NUP160: variants seen among roughly 807,000 people sequenced by gnomAD.
NUP160 encodes nuclear pore complex protein Nup160.
Under a neutral mutation model 196.9 loss-of-function variants are expected in NUP160, and 94 were observed. The observed-to-expected ratio is 0.48, with a 90% CI of 0.40 to 0.57. The LOEUF is 0.57. Among genes scored for constraint, NUP160 ranks in the 20% least tolerant of loss-of-function variants. The pLI is 0.00. For synonymous variants in NUP160, 605 were observed against 619.7 expected, an observed-to-expected ratio of 0.98 and a Z score of 0.35; for missense variants, 1,638 against 1,748.3, an observed-to-expected ratio of 0.94 and a Z score of 1.13.
At chr11:47,800,693 G>A (rs746368918) in intron 23 of NUP160, among the ~76,000 whole-genome samples, 1 of 151,956 alleles carries the variant, frequency 6.6e-6, no homozygotes, top group African/African-American at 2.4e-5. Flanking sequence ...TCCGGCCAAG[G>A]GTTATTAAGA....
chr11:47,804,262 C>T, intron 21 of NUP160: 3 of 287,090 alleles, frequency 1.0e-5, no homozygotes, highest in Non-Finnish European at 1.9e-5. Context: ...AAATCTCTCT[C>T]TTTAAAAATT....
At chr11:47,813,006 G>A in exon 15 of NUP160, 1 of 1,612,168 alleles carries the variant, frequency 6.2e-7, no homozygotes, top group Non-Finnish European at 8.5e-7. Context: ...ATCAGCCGGA[G>A]GCATTTTATA....
At chr11:47,793,722 GTTTTTT>G (rs750497969) in intron 27 of NUP160, among the ~76,000 whole-genome samples, 1,436 of 87,348 alleles carry the variant, frequency 0.016, 123 homozygotes, top group African/African-American at 0.062. Flanking sequence ...TAAGATATCT[GTTTTTT>G]TTTTTTTTTT....
intron 7 of NUP160, among the ~76,000 whole-genome samples, chr11:47,826,597 C>T (rs1249456103): frequency 6.9e-6 from 1 of 144,834 alleles, no homozygotes; most frequent in African/African-American, 2.5e-5. Flanking sequence ...GAGTCTCTCT[C>T]TGTCACTTAG....
chr11:47,812,390 C>G (rs2097681694), exon 16 of NUP160: 1 of 1,613,664 alleles, frequency 6.2e-7, no homozygotes, highest in African/African-American at 1.3e-5. Flanking sequence ...GGTTCCTAAT[C>G]TCTTGCAGTT....
At chr11:47,842,727 T>C (rs143151670) in intron 2 of NUP160, among the ~76,000 whole-genome samples, 244 of 152,280 alleles carry the variant, frequency 1.6e-3, no homozygotes, top group African/African-American at 5.4e-3. Flanking sequence ...CAATAGCTCA[T>C]GCCTATGATC....
intron 32 of NUP160, among the ~76,000 whole-genome samples, chr11:47,785,406 C>T (rs1414452140): frequency 1.3e-5 from 2 of 152,110 alleles, no homozygotes; most frequent in African/African-American, 2.4e-5. Flanking sequence ...GTTGGGATTA[C>T]AGGCAGGAGT....
chr11:47,784,381 AAAC>A (rs1307361182), intron 33 of NUP160, among the ~76,000 whole-genome samples: 1 of 152,228 alleles, frequency 6.6e-6, no homozygotes, highest in Non-Finnish European at 1.5e-5. Flanking sequence ...AATTAGTTGT[AAAC>A]AACACGGCAC....
chr11:47,848,397 C>T (rs1852449602), exon 1 of NUP160: 1 of 1,593,820 alleles, frequency 6.3e-7, no homozygotes, highest in Non-Finnish European at 8.5e-7. Flanking sequence ...GTGGGGCGGG[C>T]GGAGCTGCGG....
chr11:47,823,278 A>C (rs1851900256), intron 7 of NUP160, among the ~76,000 whole-genome samples: 3 of 152,176 alleles, frequency 2.0e-5, no homozygotes, highest in Admixed American at 2.0e-4. Context: ...ACACTGTTGT[A>C]CAACCAATCT....
chr11:47,847,584 C>G (rs917250764), intron 2 of NUP160, among the ~76,000 whole-genome samples: 1 of 127,052 alleles, frequency 7.9e-6, no homozygotes, highest in Non-Finnish European at 1.5e-5. Flanking sequence ...GTCTTATGGG[C>G]TTTATTCCCC....
At chr11:47,813,407 C>T (rs777517453) in exon 14 of NUP160, 2 of 1,605,762 alleles carry the variant, frequency 1.2e-6, no homozygotes, top group South Asian at 2.2e-5. Context: ...TAAGGAAAGA[C>T]AGGTACCCCT....
intron 6 of NUP160, among the ~76,000 whole-genome samples, chr11:47,836,025 T>C (rs1318055285): frequency 6.6e-6 from 1 of 152,198 alleles, no homozygotes; most frequent in Non-Finnish European, 1.5e-5. Flanking sequence ...GGTGGGTGGA[T>C]AACCTGAGGT....
rs1193523794 is a variant in NUP160 at position 47,807,318 on chromosome 11, T to C, written c.2376-178A>G. Reference sequence around the variant, plus strand: ...TATAGATTGTTGCCCATAATATCACTTCGTGACCCTTCAATGAGGAGCCAG... The same window carrying C: ...TATAGATTGTTGCCCATAATATCACCTCGTGACCCTTCAATGAGGAGCCAG... On this transcript the variant is annotated intron_variant, in intron 18 of 35. Transcript: ENST00000378460. Among the ~76,000 whole-genome samples, 5 of 152,284 alleles carry C rather than the reference T, an allele frequency of 3.3e-5. No individual in the cohort carries two copies. The East Asian group carries it at 9.6e-4, about 29-fold the overall frequency.
chr11:47,840,519 A>C, exon 3 of NUP160: 1 of 1,614,134 alleles, frequency 6.2e-7, no homozygotes, highest in Non-Finnish European at 8.5e-7. Context: ...ATTTTAGGCG[A>C]ATGGCATTAT....
intron 32 of NUP160, 91 bp downstream of exon 32, chr11:47,786,361 GA>G (rs985463069): frequency 1.4e-6 from 1 of 701,954 alleles, no homozygotes; most frequent in Non-Finnish European, 2.4e-6. Flanking sequence ...AGAAAAAAGT[GA>G]AATGATCTAT....
At position 47,836,978 on chromosome 11, in the gene NUP160, C is replaced by T. The variant is rs373309220; in HGVS notation, c.851G>A (p.Arg284His). ...ACAATGAACAGCAAGACTGAGGGGACGATCTGAAGGCGACTGGTCACCCCT... is the reference window on the plus strand; with the variant it reads ...ACAATGAACAGCAAGACTGAGGGGATGATCTGAAGGCGACTGGTCACCCCT... Residue 284 changes from arginine (R) to histidine (H), a missense_variant, in exon 6 of 36, where the codon CGT becomes CAT. Coordinates refer to ENST00000378460, the Ensembl canonical transcript of NUP160. 1.9e-5 allele frequency: 31 copies of T among 1,612,832 alleles called. No homozygotes were observed. The African/African-American group carries it at 2.5e-4, about 13-fold the overall frequency.
chr11:47,823,189 C>T (rs1160328387), intron 7 of NUP160, among the ~76,000 whole-genome samples: 1 of 152,146 alleles, frequency 6.6e-6, no homozygotes, highest in Non-Finnish European at 1.5e-5. Context: ...CAGGTAGAAC[C>T]ACTTTATTTT....
chr11:47,807,062 C>T lies in NUP160; in HGVS notation c.2446+8G>A. 6.3e-7 allele frequency: 1 copy of T among 1,592,764 alleles called. No homozygotes were observed. On this transcript the variant is annotated splice_region_variant and intron_variant, in intron 19 of 35. Transcript: ENST00000378460. ...TAAAATGAAATGTGTACATAGTCCACTCCTTACCAAACCTATTTGCCATTA... is the reference window on the plus strand; with the variant it reads ...TAAAATGAAATGTGTACATAGTCCATTCCTTACCAAACCTATTTGCCATTA...
Sources: gnomAD v4.1 joint callset for allele counts (sites outside exome capture counted in the v4.1 genomes callset) on GRCh38, gnomAD v4.1.1 for gene constraint, MANE v1.5 for transcripts, NCBI Gene and HGNC (gene_info 2026-07-23, HGNC 2026-07-21) for gene names.